Variants in MOSPD2 observed in about 807,000 individuals in gnomAD.
MOSPD2 encodes motile sperm domain-containing protein 2.
Under a neutral mutation model 41.7 loss-of-function variants are expected in MOSPD2, and 5 were observed. The ratio of observed to expected loss-of-function variants is 0.12; its 90% CI spans 0.06 to 0.25. The LOEUF is 0.25. Among genes scored for constraint, MOSPD2 ranks in the 10% least tolerant of loss-of-function variants. The probability of loss-of-function intolerance (pLI) is 1.00; values close to 1 mark genes in which losing one functional copy is unlikely to be tolerated. For missense variants in MOSPD2, 282 were observed against 375.2 expected (o/e 0.75, Z 2.05); for synonymous variants, 115 against 126.9 (o/e 0.91, Z 0.63).
At chrX:14,888,222 A>G (rs929920972) in intron 2 of MOSPD2, among the ~76,000 whole-genome samples, 1 of 96,955 alleles carries the variant, frequency 1.0e-5, no homozygotes, top group African/African-American at 4.8e-5. Context: ...ACACACACAC[A>G]CACACACACA....
At chrX:14,908,412 CTATT>C (rs1162365190) in intron 7 of MOSPD2, among the ~76,000 whole-genome samples, 4 of 111,974 alleles carry the variant, frequency 3.6e-5, no homozygotes, top group African/African-American at 9.7e-5. Flanking sequence ...ATAAGAAGGG[CTATT>C]TCTTTCTTTC....
chrX:14,883,327 A>G (rs1016557368), intron 2 of MOSPD2, among the ~76,000 whole-genome samples: 1 of 112,171 alleles, frequency 8.9e-6, no homozygotes, highest in Non-Finnish European at 1.9e-5. Flanking sequence ...TCTTGATAGT[A>G]GTACTCTATC....
At position 14,918,705 on chromosome X, in the gene MOSPD2, A is replaced by C; in HGVS notation, c.1342A>C (p.Ser448Arg). 2.5e-6 allele frequency: 3 copies of C among 1,199,574 alleles called. No individual in the cohort carries two copies. The highest frequency in any genetic ancestry group is 3.4e-6 in the Non-Finnish European group (3 of 885,143). ...HRLRCHTVESSKPNTLTLKDN... is the reference protein window; with the variant it reads ...HRLRCHTVESRKPNTLTLKDN... ...GTTAAGATGCCATACTGTTGAAAGC[A>C]GTAAACCAAACACTCTTACGTTAAA... Residue 448 changes from serine (S) to arginine (R), a missense_variant, in exon 14 of 15, where the codon AGT (serine) becomes CGT (arginine). By Grantham distance (110) the Ser-to-Arg change is moderately radical. Around this residue, in one of 3 missense-constraint regions of MOSPD2, gnomAD observed 94 missense variants for 102.1 expected, o/e 0.92. Coordinates refer to ENST00000380492, the MANE Select transcript of MOSPD2 (RefSeq NM_152581.4).
intron 6 of MOSPD2, among the ~76,000 whole-genome samples, chrX:14,901,052 A>C (rs1347213386): frequency 8.9e-6 from 1 of 112,090 alleles, no homozygotes; most frequent in Non-Finnish European, 1.9e-5. Flanking sequence ...ACTGTATAAT[A>C]AGCAATATTG....
chrX:14,877,642 A>G (rs1012138531), intron 2 of MOSPD2, among the ~76,000 whole-genome samples: 2 of 102,989 alleles, frequency 1.9e-5, no homozygotes, highest in East Asian at 3.3e-4. Context: ...CGCCCGGCCT[A>G]CAGTCTTTTT....
chrX:14,897,245 A>AT lies in MOSPD2; in HGVS notation c.477+13dup. The AT allele has an allele frequency of 1.7e-6, 2 of 1,179,568 alleles. No homozygotes were observed. The highest frequency in any genetic ancestry group is 2.3e-6 in the Non-Finnish European group (2 of 876,139). ...AACTGGAATAAATAGCATTGTAAGC[A>AT]TTTTTTCATTCATTCCAAATCAGTG... is the stretch of plus-strand genomic sequence containing the variant. On this transcript the variant is annotated splice_region_variant and intron_variant, in intron 5 of 14. Transcript: ENST00000380492.
At chrX:14,877,576 A>G (rs1742118966) in intron 2 of MOSPD2, among the ~76,000 whole-genome samples, 1 of 109,732 alleles carries the variant, frequency 9.1e-6, no homozygotes, top group African/African-American at 3.3e-5. Flanking sequence ...TCCTGACCTC[A>G]GGTGATCGCC....
At chrX:14,913,853 G>C (rs1401646754) in intron 10 of MOSPD2, among the ~76,000 whole-genome samples, 4 of 111,544 alleles carry the variant, frequency 3.6e-5, no homozygotes, top group African/African-American at 1.3e-4. Context: ...CAAACTGCTT[G>C]AATCTTTTAA....
chrX:14,877,264 A>G (rs762255624), intron 2 of MOSPD2, among the ~76,000 whole-genome samples: 2 of 112,302 alleles, frequency 1.8e-5, no homozygotes, highest in Non-Finnish European at 3.8e-5. Flanking sequence ...TTTGGGTCAT[A>G]CCAAAAATAT....
At position 14,873,735 on chromosome X, in the gene MOSPD2, G is replaced by A; in HGVS notation, c.56G>A (p.Arg19Lys). 1.7e-6 allele frequency: 2 copies of A among 1,210,515 alleles called. No homozygotes were observed. Residue 19 changes from arginine to lysine, a missense_variant, in exon 2 of 15, where the codon AGG becomes AAG. Arg to Lys is a conservative substitution (Grantham distance 26). Around this residue, in one of 3 missense-constraint regions of MOSPD2, gnomAD observed 187 missense variants for 256.6 expected, o/e 0.73. Coordinates refer to ENST00000380492, the MANE Select transcript of MOSPD2 (RefSeq NM_152581.4). ...KAKLISETRR[R>K]FEAEYVTDKS... Reference sequence around the variant, plus strand: ...AAGCTCATCTCTGAGACCCGGAGGAGGTTCGAAGCTGAGTATGTGACAGGT... The same window carrying A: ...AAGCTCATCTCTGAGACCCGGAGGAAGTTCGAAGCTGAGTATGTGACAGGT...
At chrX:14,902,175 C>G (rs1473631560) in intron 6 of MOSPD2, among the ~76,000 whole-genome samples, 1 of 111,659 alleles carries the variant, frequency 9.0e-6, no homozygotes, top group African/African-American at 3.3e-5. Flanking sequence ...TGCCTCTTTA[C>G]AGATGCCTTT....
At chrX:14,907,476 T>C (rs748609730) in intron 7 of MOSPD2, among the ~76,000 whole-genome samples, 5 of 112,475 alleles carry the variant, frequency 4.4e-5, no homozygotes, top group African/African-American at 1.6e-4. Flanking sequence ...AGTTGCTGAA[T>C]GGAAAAGCAA....
chrX:14,888,098 C>A (rs903941624), intron 2 of MOSPD2, among the ~76,000 whole-genome samples: 1 of 109,471 alleles, frequency 9.1e-6, no homozygotes, highest in African/African-American at 3.3e-5. Context: ...GCTTAAAAAT[C>A]CACCACTTGG....
chrX:14,895,366 T>C lies in MOSPD2; in HGVS notation c.294T>C (p.His98=), dbSNP rs745532505. 3.0e-5 allele frequency: 34 copies of C among 1,143,844 alleles called. No homozygotes were observed. The highest frequency in any genetic ancestry group is 2.7e-5 in the Non-Finnish European group (23 of 839,155). 94.3% of individuals were successfully genotyped at this position (1,143,844 alleles called of 1,213,427 possible). A position where few individuals can be genotyped will look rare whatever the true frequency, so the allele number is the denominator to read the frequency against. ...WLLEIGVIYL[H]GYDKEGNKLF... ...TGGAAATTGGTGTTATTTATCTCCA[T>C]GGTTATGACAAAGAAGGTAACAAAT... Residue 98 remains histidine, a synonymous_variant, in exon 4 of 15, where the codon CAT becomes CAC. Transcript: ENST00000380492.
chrX:14,890,418 T>C (rs1371191376), intron 2 of MOSPD2, among the ~76,000 whole-genome samples: 2 of 111,284 alleles, frequency 1.8e-5, no homozygotes, highest in Non-Finnish European at 3.8e-5. Context: ...AAAAATGTGT[T>C]TTGAATACTG....
chrX:14,881,532 T>G (rs1184959058), intron 2 of MOSPD2, among the ~76,000 whole-genome samples: 1 of 111,954 alleles, frequency 8.9e-6, no homozygotes, highest in African/African-American at 3.2e-5. Flanking sequence ...TATGAACCAC[T>G]CAGGGACCAG....
rs1258332549 is a variant in MOSPD2, at chrX:14,895,511, G to T, written c.322+117G>T. The T allele has an allele frequency of 1.7e-5, 8 of 466,763 alleles. No homozygotes were observed. In the Admixed American group the frequency reaches 2.3e-4, roughly 13 times the overall value. 38.5% of individuals were successfully genotyped at this position (466,763 alleles called of 1,213,427 possible). A position where few individuals can be genotyped will look rare whatever the true frequency, so the allele number is the denominator to read the frequency against. Reference sequence around the variant, plus strand: ...ATCTGTAGCACTCCTCAGGTCTTCTGCAATGAGGGATTGGCAGGACCATTT... The same window carrying T: ...ATCTGTAGCACTCCTCAGGTCTTCTTCAATGAGGGATTGGCAGGACCATTT... On this transcript the variant is annotated intron_variant, in intron 4 of 14. Coordinates refer to ENST00000380492, the MANE Select transcript of MOSPD2 (RefSeq NM_152581.4).
intron 4 of MOSPD2, among the ~76,000 whole-genome samples, chrX:14,896,672 C>T (rs1381373416): frequency 1.8e-5 from 2 of 112,892 alleles, no homozygotes; most frequent in Non-Finnish European, 3.7e-5. Context: ...TTACCGTGCT[C>T]CACACACACG....
At chrX:14,915,860 A>G (rs1309742982) in intron 12 of MOSPD2, 96 bp downstream of exon 12, 11 of 753,672 alleles carry the variant, frequency 1.5e-5, no homozygotes, top group Non-Finnish European at 2.0e-5. Context: ...GTCAGGCTAG[A>G]ATCTAGAAAT....
Sources: allele counts gnomAD v4.1 joint callset (sites outside exome capture counted in the v4.1 genomes callset), GRCh38; gene constraint gnomAD v4.1.1; regional missense constraint gnomAD v4.1.1; transcripts MANE v1.5; gene names NCBI Gene and HGNC (gene_info 2026-07-23, HGNC 2026-07-21).